Variants in CLOCK observed in about 807,000 individuals in gnomAD.
CLOCK encodes the protein clock circadian regulator.
Under a neutral mutation model 118.4 loss-of-function variants are expected in CLOCK, and 43 were observed. That is an observed-to-expected ratio of 0.36 (90% CI 0.28 to 0.47). The LOEUF (loss-of-function observed/expected upper bound fraction) is 0.47, where lower values mean the gene tolerates loss of function less well. CLOCK is among the 20% of genes least tolerant of loss of function. The probability of loss-of-function intolerance (pLI) is 1.00; values close to 1 mark genes in which losing one functional copy is unlikely to be tolerated. For missense variants in CLOCK, 846 were observed against 999.9 expected, an observed-to-expected ratio of 0.85 and a Z score of 2.08; for synonymous variants, 326 against 339.2, an observed-to-expected ratio of 0.96 and a Z score of 0.43.
At position 55,479,767 on chromosome 4, in the gene CLOCK, T is replaced by C. The variant is rs1323120657; in HGVS notation, c.48-68A>G. The stretch of plus-strand genomic sequence containing the variant: ...GCAACAGCAATACTAAAGTGACATG[T>C]AAATCAACTCAGTTATGCCCTATGA... On this transcript the variant is annotated intron_variant, in intron 4 of 22. Coordinates refer to ENST00000513440, the MANE Select transcript of CLOCK (RefSeq NM_004898.4). 2.5e-6 allele frequency: 3 copies of C among 1,217,360 alleles called. No homozygotes were observed. In the African/African-American group the frequency reaches 4.5e-5, roughly 18 times the overall value. 75.4% of individuals were successfully genotyped at this position (1,217,360 alleles called of 1,614,324 possible).
At chr4:55,534,734 G>A (rs1730775449) in intron 1 of CLOCK, among the ~76,000 whole-genome samples, 1 of 151,448 alleles carries the variant, frequency 6.6e-6, no homozygotes, top group Non-Finnish European at 1.5e-5. Flanking sequence ...TGAACAAGAT[G>A]AAGACCACCA....
Position 55,449,335 on chromosome 4 carries a change from T to C in CLOCK, c.1449+61A>G. ...ACAAATAGATGAATTTCTGAAGATT[T>C]AGATCATTTTTCCCCTCTTAATAAA... is the stretch of plus-strand genomic sequence containing the variant. On this transcript the variant is annotated intron_variant, in intron 17 of 22. Transcript: ENST00000513440. 3 of 1,409,688 alleles carry C rather than the reference T, an allele frequency of 2.1e-6. No individual in the cohort carries two copies. The South Asian group carries it at 3.5e-5, about 16-fold the overall frequency. The allele number at this position is 1,409,688 out of a possible 1,614,324, so 87.3% of individuals were successfully genotyped here.
chr4:55,543,025 C>T (rs1311588245), intron 1 of CLOCK, among the ~76,000 whole-genome samples: 1 of 152,088 alleles, frequency 6.6e-6, no homozygotes, highest in East Asian at 1.9e-4. Flanking sequence ...GTGATCCCTC[C>T]ACCTCAGCCT....
At chr4:55,486,085 T>C (rs976143191) in intron 3 of CLOCK, among the ~76,000 whole-genome samples, 4 of 152,130 alleles carry the variant, frequency 2.6e-5, no homozygotes, top group African/African-American at 9.7e-5. Flanking sequence ...TTTCTCAATA[T>C]CATAATTTTG....
intron 3 of CLOCK, among the ~76,000 whole-genome samples, chr4:55,487,554 A>C (rs1476564478): frequency 6.6e-6 from 1 of 152,104 alleles, no homozygotes; most frequent in African/African-American, 2.4e-5. Context: ...CCCCATTCTC[A>C]GCCATGTTTG....
intron 2 of CLOCK, among the ~76,000 whole-genome samples, chr4:55,506,688 T>C (rs1728819406): frequency 1.3e-5 from 2 of 152,052 alleles, no homozygotes; most frequent in African/African-American, 4.8e-5. Context: ...GCCTCCCAAG[T>C]AGCTGGGATT....
chr4:55,448,361 G>A (rs761428695), intron 18 of CLOCK, among the ~76,000 whole-genome samples: 36 of 152,122 alleles, frequency 2.4e-4, no homozygotes, highest in Non-Finnish European at 5.9e-5. Flanking sequence ...ATATCTTTAT[G>A]TCTACAGTGT....
At chr4:55,447,380 G>A (rs2109725559) in intron 18 of CLOCK, among the ~76,000 whole-genome samples, 1 of 151,962 alleles carries the variant, frequency 6.6e-6, no homozygotes, top group East Asian at 1.9e-4. Context: ...AAATTAAAAA[G>A]TTACATTTAT....
intron 2 of CLOCK, among the ~76,000 whole-genome samples, chr4:55,507,787 G>T (rs1429396587): frequency 6.6e-6 from 1 of 152,090 alleles, no homozygotes; most frequent in Non-Finnish European, 1.5e-5. Flanking sequence ...CACATACCTT[G>T]TTCTTTCACT....
chr4:55,451,489 T>G (rs12500601), intron 15 of CLOCK, among the ~76,000 whole-genome samples: 48,790 of 151,938 alleles, frequency 0.32, 8,194 homozygotes, highest in East Asian at 0.59. Flanking sequence ...TCAAAATTCA[T>G]GATTTTGAAA....
chr4:55,488,278 C>T (rs1483720713), intron 3 of CLOCK, among the ~76,000 whole-genome samples: 1 of 152,170 alleles, frequency 6.6e-6, no homozygotes, highest in South Asian at 2.1e-4. Flanking sequence ...TGTGCCAGGG[C>T]TGAATCCTTC....
chr4:55,470,736 G>A lies in CLOCK; in HGVS notation c.419C>T (p.Ser140Leu). ...ACTTACTGGTAAATGTTCAAGTAAT[G>A]AAGTTACACTCTCAGACACATATAT... ...SIIYVSESVT[S>L]LLEHLPSDLV... The change falls in exon 8 of 23, where the codon TCA becomes TTA. Residue 140 changes from serine (S) to leucine (L), a missense_variant. Physicochemically the swap from Ser to Leu is moderately radical, Grantham distance 145 (BLOSUM62 -2). Transcript: ENST00000513440. 1 of 1,606,010 alleles carries A rather than the reference G, an allele frequency of 6.2e-7. No homozygotes were observed. The highest frequency in any genetic ancestry group is 8.5e-7 in the Non-Finnish European group (1 of 1,173,486).
intron 1 of CLOCK, among the ~76,000 whole-genome samples, chr4:55,528,801 TA>T (rs1730360662): frequency 1.3e-5 from 2 of 151,990 alleles, no homozygotes; most frequent in Non-Finnish European, 2.9e-5. Context: ...TAAAGACAGT[TA>T]ACAAACTGAA....
intron 1 of CLOCK, among the ~76,000 whole-genome samples, chr4:55,535,125 G>A (rs1196351367): frequency 6.6e-6 from 1 of 151,388 alleles, no homozygotes; most frequent in Non-Finnish European, 1.5e-5. Flanking sequence ...AGAGCCAAAG[G>A]CCTCGCTATA....
At chr4:55,500,964 G>C (rs2109988554) in intron 2 of CLOCK, among the ~76,000 whole-genome samples, 1 of 152,202 alleles carries the variant, frequency 6.6e-6, no homozygotes, top group East Asian at 1.9e-4. Flanking sequence ...TGATCCTCCT[G>C]CCTCAGCCTC....
At chr4:55,464,496 A>G (rs527519123) in intron 8 of CLOCK, among the ~76,000 whole-genome samples, 3 of 152,118 alleles carry the variant, frequency 2.0e-5, no homozygotes, top group South Asian at 2.1e-4. Context: ...ATGACTTTAC[A>G]TTTGCCACTA....
chr4:55,450,097 G>T lies in CLOCK; in HGVS notation c.1342C>A (p.Pro448Thr). Residue 448 changes from proline (P) to threonine (T), a missense_variant, in exon 16 of 23, where the codon CCT becomes ACT. Coordinates refer to ENST00000513440, the MANE Select transcript of CLOCK (RefSeq NM_004898.4). ...RKSSHTAVSDPSSTPTKIPTD... is the reference protein window; with the variant it reads ...RKSSHTAVSDTSSTPTKIPTD... Reference sequence around the variant, plus strand: ...TTGAAGCAAGGGTACTCACAGGAAGGGTCTGAGACGGCCGTGTGAGATGAT... The same window carrying T: ...TTGAAGCAAGGGTACTCACAGGAAGTGTCTGAGACGGCCGTGTGAGATGAT... The T allele has an allele frequency of 6.2e-7, 1 of 1,614,056 alleles. No individual in the cohort carries two copies. Among genetic ancestry groups the T allele is most frequent in the Non-Finnish European group, 8.5e-7 (1 of 1,179,980 alleles).
chr4:55,469,059 T>C (rs1287166248), intron 8 of CLOCK, among the ~76,000 whole-genome samples: 1 of 152,222 alleles, frequency 6.6e-6, no homozygotes, highest in Non-Finnish European at 1.5e-5. Context: ...ATGTACATGA[T>C]AATAAACAAT....
intron 2 of CLOCK, among the ~76,000 whole-genome samples, chr4:55,508,450 C>T (rs867043244): frequency 1.3e-5 from 2 of 152,134 alleles, no homozygotes; most frequent in Admixed American, 6.5e-5. Flanking sequence ...AATTAAGTCA[C>T]TGAGAATTGG....
Sources: allele counts gnomAD v4.1 joint callset (sites outside exome capture counted in the v4.1 genomes callset), GRCh38; gene constraint gnomAD v4.1.1; transcripts MANE v1.5; gene names NCBI Gene and HGNC (gene_info 2026-07-23, HGNC 2026-07-21).